The following NOS3 variants were observed in gnomAD, a reference collection of about 807,000 sequenced individuals.
NOS3 encodes NOS type III.
NOS3 carries 98 observed loss-of-function variants against 144.9 expected under a neutral mutation model. The observed-to-expected ratio is 0.68, with a 90% CI of 0.57 to 0.80. The LOEUF (loss-of-function observed/expected upper bound fraction) is 0.80. Ranked by LOEUF, NOS3 falls within the 30% of genes least tolerant of loss-of-function variation. The pLI is 0.00. For synonymous variants in NOS3, 714 were observed against 702.4 expected, an observed-to-expected ratio of 1.02 and a Z score of -0.26; for missense variants, 1,465 against 1,656.4, an observed-to-expected ratio of 0.88 and a Z score of 2.01.
At position 150,996,594 on chromosome 7, in the gene NOS3, A is replaced by T. The variant is rs370647945; in HGVS notation, c.419+42A>T. On this transcript the variant is annotated intron_variant, in intron 4 of 26. Coordinates refer to ENST00000297494, the MANE Select transcript of NOS3 (RefSeq NM_000603.5). The stretch of plus-strand genomic sequence containing the variant: ...CGCCACAGCCTCCCTTGTCCCACTG[A>T]GGCCCCAGAAACCCCGTGACGACCT... The T allele has an allele frequency of 3.1e-4, 491 of 1,561,390 alleles. 11 individuals carry two copies. In the South Asian group the frequency reaches 5.5e-3, roughly 17 times the overall value.
At position 150,998,630 on chromosome 7, in the gene NOS3, C is replaced by G; in HGVS notation, c.766C>G (p.Gln256Glu). The change falls in exon 7 of 27, where the codon CAG becomes GAG. Residue 256 changes from glutamine (Q) to glutamate (E), a missense_variant. Transcript: ENST00000297494. This position sits in a 1 kb window ranked among gnomAD's most constrained non-coding sequence, Gnocchi z 5.0. Reference protein sequence around the residue: ...SQLVRYAGYRQQDGSVRGDPA... With the variant: ...SQLVRYAGYREQDGSVRGDPA... ...GCTGGTGCGCTACGCGGGCTACCGG[C>G]AGCAGGATGGCTCTGTGCGGGGGGA... is the stretch of plus-strand genomic sequence containing the variant. 1.9e-6 allele frequency: 3 copies of G among 1,609,364 alleles called. No individual in the cohort carries two copies. Among genetic ancestry groups the G allele is most frequent in the Non-Finnish European group, 2.5e-6 (3 of 1,178,974 alleles).
In NOS3 at chr7:150,998,259, T is replaced by C. The variant is rs1802478216; in HGVS notation, c.583-98T>C. The stretch of plus-strand genomic sequence containing the variant: ...CAGGAGGGCGCCATGGAGTGAACCA[T>C]GGCCCCTGCCTCCTCACCAGCAGCT... On this transcript the variant is annotated intron_variant, in intron 5 of 26. Transcript: ENST00000297494. This position sits in a 1 kb window ranked among gnomAD's most constrained non-coding sequence, Gnocchi z 5.0. 1 of 1,065,472 alleles carries C rather than the reference T, an allele frequency of 9.4e-7. No individual in the cohort carries two copies. Among genetic ancestry groups the C allele is most frequent in the African/African-American group, 1.6e-5 (1 of 64,056 alleles). The allele number at this position is 1,065,472 out of a possible 1,614,324, so 66.0% of individuals were successfully genotyped here. A position where few individuals can be genotyped will look rare whatever the true frequency, so the allele number is the denominator to read the frequency against.
intron 24 of NOS3, chr7:151,012,855 T>A: frequency 3.0e-6 from 1 of 335,732 alleles, no homozygotes; most frequent in Non-Finnish European, 5.5e-6. Context: ...CCCAGGGTGG[T>A]CTGTCAATCA....
chr7:151,013,730 G>C lies in NOS3; in HGVS notation c.3262G>C (p.Val1088Leu). 6.2e-7 allele frequency: 1 copy of C among 1,604,254 alleles called. No individual in the cohort carries two copies. Among genetic ancestry groups the C allele is most frequent in the South Asian group, 1.1e-5 (1 of 89,678 alleles). Reference sequence around the variant, plus strand: ...TAACCCCGCCGCCCCGCAGACCTACGTGCAGGACATCCTGAGGACGGAGCT... The same window carrying C: ...TAACCCCGCCGCCCCGCAGACCTACCTGCAGGACATCCTGAGGACGGAGCT... ...SREPDNPKTY[V>L]QDILRTELAA... The change falls in exon 26 of 27, where the codon GTG becomes CTG. Residue 1088 changes from valine to leucine, a missense_variant. Coordinates refer to ENST00000297494, the MANE Select transcript of NOS3 (RefSeq NM_000603.5).
Position 151,002,028 on chromosome 7 carries a change from G to C in NOS3, c.1647+63G>C. 6.3e-7 allele frequency: 1 copy of C among 1,583,222 alleles called. No homozygotes were observed. The highest frequency in any genetic ancestry group is 8.6e-7 in the Non-Finnish European group (1 of 1,156,694). ...GGGGGCTCTATCAGCATCTTCAGGG[G>C]TGCCCTGGAGGACAGGAAGTGTTAC... On this transcript the variant is annotated intron_variant, in intron 13 of 26. Coordinates refer to ENST00000297494, the MANE Select transcript of NOS3 (RefSeq NM_000603.5). The surrounding 1 kb of genome is among the most constrained non-coding windows in gnomAD (Gnocchi z 4.1).
rs1315871114 is a variant in NOS3, at chr7:151,002,541, C to T, written c.1752+237C>T. ...TCCCAGCCCACCCATGTGGCTGCCTCCCTGCAAGCACATTTGCTTAACTGC... is the reference window on the plus strand; with the variant it reads ...TCCCAGCCCACCCATGTGGCTGCCTTCCTGCAAGCACATTTGCTTAACTGC... On this transcript the variant is annotated intron_variant, in intron 14 of 26. Coordinates refer to ENST00000297494, the MANE Select transcript of NOS3 (RefSeq NM_000603.5). The surrounding 1 kb of genome is among the most constrained non-coding windows in gnomAD (Gnocchi z 4.1). Among the ~76,000 whole-genome samples, 1 of 152,144 alleles carries T rather than the reference C, an allele frequency of 6.6e-6. No individual in the cohort carries two copies. Among genetic ancestry groups the T allele is most frequent in the African/African-American group, 2.4e-5 (1 of 41,422 alleles).
rs1170041891 is a variant in NOS3, at chr7:151,001,915, A to T, written c.1597A>T (p.Ser533Cys). 6.2e-7 allele frequency: 1 copy of T among 1,613,424 alleles called. No homozygotes were observed. Among genetic ancestry groups the T allele is most frequent in the Non-Finnish European group, 8.5e-7 (1 of 1,180,020 alleles). The change falls in exon 13 of 27, where the codon AGC becomes TGC. Residue 533 changes from serine to cysteine, a missense_variant. Around this residue, in one of 5 missense-constraint regions of NOS3, gnomAD observed 745 missense variants for 853.9 expected, o/e 0.87. Transcript: ENST00000297494. ...TGGCTCCGAGACCGGCCGGGCCCAG[A>T]GCTACGCACAGCAGCTGGGGAGACT... ...LYGSETGRAQ[S>C]YAQQLGRLFR... is the part of the protein sequence containing the mutation.
At position 151,013,308 on chromosome 7, in the gene NOS3, C is replaced by T; in HGVS notation, c.3184C>T (p.Gln1062Ter). 1 of 1,614,098 alleles carries T rather than the reference C, an allele frequency of 6.2e-7. No homozygotes were observed. The highest frequency in any genetic ancestry group is 8.5e-7 in the Non-Finnish European group (1 of 1,180,024). ...QLDHLYRDEV[Q>*]NAQQRGVFGR... ...TGACCATCTCTACCGCGACGAGGTG[C>T]AGAACGCCCAGCAGCGCGGGGTGTT... The change falls in exon 25 of 27, where the codon CAG becomes TAG. Residue 1062 changes from glutamine (Q) to a stop codon, truncating the protein, a stop_gained. Coordinates refer to ENST00000297494, the MANE Select transcript of NOS3 (RefSeq NM_000603.5). LOFTEE classifies it high-confidence loss of function.
At chr7:151,011,081 G>A in intron 23 of NOS3, 95 bp downstream of exon 23, 2 of 814,186 alleles carry the variant, frequency 2.5e-6, no homozygotes, top group South Asian at 1.5e-5. Context: ...ACTGGAAACA[G>A]GAAGGAGCTC....
At chr7:150,994,088 T>C in intron 2 of NOS3, 127 bp downstream of exon 2, 1 of 992,762 alleles carries the variant, frequency 1.0e-6, no homozygotes, top group Non-Finnish European at 1.5e-6. Context: ...AAAAGGGCTA[T>C]TAATGTGCAT....
rs1563227452 is a variant in NOS3, at chr7:151,007,286, GC to G, written c.2112+13del. The G allele has an allele frequency of 1.9e-6, 3 of 1,589,806 alleles. No homozygotes were observed. The African/African-American group carries it at 4.0e-5, about 21-fold the overall frequency. On this transcript the variant is annotated intron_variant, in intron 17 of 26. Coordinates refer to ENST00000297494, the MANE Select transcript of NOS3 (RefSeq NM_000603.5). The stretch of plus-strand genomic sequence containing the variant: ...CCAGGCTGCCTTCCAGGTGAGCCCA[GC>G]CCAGCCCCTGCTCTGACTCCTGCCC...
intron 16 of NOS3, 25 bp downstream of exon 16, chr7:151,007,030 C>CA: frequency 6.8e-6 from 11 of 1,613,688 alleles, no homozygotes; most frequent in Non-Finnish European, 9.3e-6. Flanking sequence ...AAGAGGGGTG[C>CA]AACGGGTGGG....
Position 151,002,450 on chromosome 7 carries a change from A to G in NOS3, c.1752+146A>G, listed in dbSNP as rs984883235. 2.5e-4 allele frequency: 119 copies of G among 475,888 alleles called. No homozygotes were observed. The highest frequency in any genetic ancestry group is 2.4e-3 in the African/African-American group (112 of 46,376). 29.5% of individuals were successfully genotyped at this position (475,888 alleles called of 1,614,324 possible). A position where few individuals can be genotyped will look rare whatever the true frequency, so the allele number is the denominator to read the frequency against. On this transcript the variant is annotated intron_variant, in intron 14 of 26. Transcript: ENST00000297494. The surrounding 1 kb of genome is among the most constrained non-coding windows in gnomAD (Gnocchi z 4.1). The stretch of plus-strand genomic sequence containing the variant: ...CACACACACACACACACACACACAC[A>G]CACGCCAGGATGGAAAGGGAGATGC...
chr7:151,013,383 T>G lies in NOS3; in HGVS notation c.3255+4T>G, dbSNP rs747342357. The stretch of plus-strand genomic sequence containing the variant: ...CCGGGAACCTGACAACCCCAAGGTG[T>G]GAGACCCTGAGGGCGCAATGGTAAC... On this transcript the variant is annotated splice_donor_region_variant and intron_variant, in intron 25 of 26. Transcript: ENST00000297494. 5.6e-6 allele frequency: 9 copies of G among 1,610,112 alleles called. No homozygotes were observed. Among genetic ancestry groups the G allele is most frequent in the Non-Finnish European group, 4.2e-6 (5 of 1,177,484 alleles).
rs1045766410 is a variant in NOS3 at position 151,001,419 on chromosome 7, C to T, written c.1422C>T (p.Arg474=). Reference sequence around the variant, plus strand: ...ACTATTTCCTGTCCCCGGCCTTCCGCTACCAGGTGCCCACCCTAACTGGCT... The same window carrying T: ...ACTATTTCCTGTCCCCGGCCTTCCGTTACCAGGTGCCCACCCTAACTGGCT... ...MVNYFLSPAF[R]YQPDPWKGSA... The change falls in exon 11 of 27, where the codon CGC becomes CGT. Residue 474 remains arginine (R), a synonymous_variant. Coordinates refer to ENST00000297494, the MANE Select transcript of NOS3 (RefSeq NM_000603.5). 1.3e-6 allele frequency: 2 copies of T among 1,586,564 alleles called. No homozygotes were observed. The highest frequency in any genetic ancestry group is 2.7e-5 in the African/African-American group (2 of 74,312).
intron 18 of NOS3, 60 bp downstream of exon 18, chr7:151,009,122 A>G: frequency 1.2e-6 from 2 of 1,613,018 alleles, no homozygotes; most frequent in Non-Finnish European, 1.7e-6. Context: ...CCCCGGGACT[A>G]AAGCACTCTG....
intron 5 of NOS3, 60 bp downstream of exon 5, chr7:150,996,985 G>T: frequency 6.6e-7 from 1 of 1,511,044 alleles, no homozygotes; most frequent in Non-Finnish European, 8.9e-7. Flanking sequence ...GGGGTGGCGG[G>T]GCAGTTCCTA....
intron 10 of NOS3, 112 bp from the exon 11 acceptor site, chr7:151,001,119 G>GAT: frequency 9.8e-7 from 1 of 1,017,910 alleles, no homozygotes; most frequent in South Asian, 1.4e-5. Context: ...GGGTGTGTTA[G>GAT]ATATGGGGTA....
At position 151,009,284 on chromosome 7, in the gene NOS3, T is replaced by C. The variant is rs1186396986; in HGVS notation, c.2324+17T>C. ...CAAGTCCACGTGAGGACGACGGCTTTACCGCCCCCCCACCCCTGTCCTGAA... is the reference window on the plus strand; with the variant it reads ...CAAGTCCACGTGAGGACGACGGCTTCACCGCCCCCCCACCCCTGTCCTGAA... On this transcript the variant is annotated intron_variant, in intron 19 of 26. Transcript: ENST00000297494. The C allele has an allele frequency of 1.2e-6, 2 of 1,603,954 alleles. No individual in the cohort carries two copies. Among genetic ancestry groups the C allele is most frequent in the Non-Finnish European group, 1.7e-6 (2 of 1,173,592 alleles).
Sources: gnomAD v4.1 joint callset for allele counts (sites outside exome capture counted in the v4.1 genomes callset) on GRCh38, gnomAD v4.1.1 for gene constraint, gnomAD v4.1.1 regional missense constraint, Gnocchi (gnomAD v3.1) non-coding constraint, MANE v1.5 for transcripts, NCBI Gene and HGNC (gene_info 2026-07-23, HGNC 2026-07-21) for gene names.